The following ZNF516 variants were observed in gnomAD, a reference collection of about 807,000 sequenced individuals.
The protein encoded by ZNF516 is zinc finger protein 516.
ZNF516 carries 19 observed loss-of-function variants against 79.7 expected under a neutral mutation model. The observed-to-expected ratio is 0.24, with a 90% CI of 0.17 to 0.35. The LOEUF is 0.35. Among genes scored for constraint, ZNF516 ranks in the 10% least tolerant of loss-of-function variants. The pLI is 1.00. For missense variants in ZNF516, 1,678 were observed against 1,679.5 expected (o/e 1.00, Z 0.02); for synonymous variants, 877 against 739.5 (o/e 1.19, Z -3.02).
At chr18:76,483,814 G>A (rs1257679344) in intron 1 of ZNF516, among the ~76,000 whole-genome samples, 2 of 152,182 alleles carry the variant, frequency 1.3e-5, no homozygotes, top group Admixed American at 6.5e-5. Context: ...CCACTGCGGG[G>A]CTGGGAATCT....
Position 76,441,732 on chromosome 18 carries a change from C to A in ZNF516, c.1323G>T (p.Glu441Asp). The change falls in exon 3 of 7, where the codon GAG becomes GAT. Residue 441 changes from glutamate (E) to aspartate (D), a missense_variant. Transcript: ENST00000443185. ...AEYLKYGAWD[E>D]ALAGDVAFDK... ...CGAAGGCCACGTCCCCGGCCAGCGC[C>A]TCGTCCCAGGCCCCGTACTTGAGGT... The A allele has an allele frequency of 6.4e-7, 1 of 1,573,064 alleles. No individual in the cohort carries two copies. Among genetic ancestry groups the A allele is most frequent in the Non-Finnish European group, 8.6e-7 (1 of 1,164,518 alleles).
chr18:76,439,182 TTA>T (rs2075782368), intron 3 of ZNF516, among the ~76,000 whole-genome samples: 1 of 152,242 alleles, frequency 6.6e-6, no homozygotes, highest in Non-Finnish European at 1.5e-5. Flanking sequence ...TTGAGAGTAG[TTA>T]AATCAATGGA....
intron 1 of ZNF516, among the ~76,000 whole-genome samples, chr18:76,466,371 GTCTC>G (rs879529129): frequency 5.9e-5 from 9 of 152,296 alleles, no homozygotes; most frequent in South Asian, 2.1e-4. Flanking sequence ...CAGCATTCAG[GTCTC>G]TCTGTCAGTT....
intron 1 of ZNF516, among the ~76,000 whole-genome samples, chr18:76,478,457 T>C (rs1400628288): frequency 1.3e-5 from 2 of 152,204 alleles, no homozygotes; most frequent in Admixed American, 6.5e-5. Context: ...TAAGGTTTAA[T>C]ATACAATACA....
At chr18:76,389,927 G>C (rs750858904) in intron 3 of ZNF516, among the ~76,000 whole-genome samples, 2 of 152,276 alleles carry the variant, frequency 1.3e-5, no homozygotes, top group African/African-American at 4.8e-5. Flanking sequence ...CTGTGGTCCC[G>C]AGCGATAGTG....
At chr18:76,480,785 A>T (rs563213318) in intron 1 of ZNF516, among the ~76,000 whole-genome samples, 1 of 152,172 alleles carries the variant, frequency 6.6e-6, no homozygotes, top group East Asian at 1.9e-4. Context: ...GCCTCCCAAA[A>T]TGCTGGGATT....
Position 76,441,725 on chromosome 18 carries a change from C to A in ZNF516, c.1330G>T (p.Ala444Ser). 4 of 1,573,290 alleles carry A rather than the reference C, an allele frequency of 2.5e-6. No individual in the cohort carries two copies. The highest frequency in any genetic ancestry group is 2.6e-6 in the Non-Finnish European group (3 of 1,164,288). Residue 444 changes from alanine (A) to serine (S), a missense_variant, in exon 3 of 7, where the codon GCC becomes TCC. By Grantham distance (99) the Ala-to-Ser change is moderately conservative. Coordinates refer to ENST00000443185, the MANE Select transcript of ZNF516 (RefSeq NM_014643.4). Reference sequence around the variant, plus strand: ...TCCTTGTCGAAGGCCACGTCCCCGGCCAGCGCCTCGTCCCAGGCCCCGTAC... The same window carrying A: ...TCCTTGTCGAAGGCCACGTCCCCGGACAGCGCCTCGTCCCAGGCCCCGTAC... ...LKYGAWDEAL[A>S]GDVAFDKDRR...
chr18:76,367,697 G>GC (rs547629584), intron 6 of ZNF516, among the ~76,000 whole-genome samples: 46 of 152,312 alleles, frequency 3.0e-4, no homozygotes, highest in African/African-American at 1.1e-3. Flanking sequence ...GCCTTGCTCT[G>GC]CCCTACTTCC....
intron 1 of ZNF516, among the ~76,000 whole-genome samples, chr18:76,485,221 TATC>T (rs1184280738): frequency 6.6e-6 from 1 of 152,196 alleles, no homozygotes; most frequent in Non-Finnish European, 1.5e-5. Context: ...AGGGACAAAT[TATC>T]ATCATTATGC....
intron 3 of ZNF516, among the ~76,000 whole-genome samples, chr18:76,411,187 G>A (rs1473327869): frequency 6.6e-6 from 1 of 152,312 alleles, no homozygotes; most frequent in Non-Finnish European, 1.5e-5. Flanking sequence ...GCCTCTCATG[G>A]CCAGGGGCTA....
At chr18:76,440,270 CG>C (rs2075797844) in intron 3 of ZNF516, among the ~76,000 whole-genome samples, 1 of 152,182 alleles carries the variant, frequency 6.6e-6, no homozygotes, top group African/African-American at 2.4e-5. Context: ...AAAAATGACA[CG>C]GTCTTCTGTT....
chr18:76,496,194 C>A (rs1915474661), upstream of ZNF516: 3 of 1,160,928 alleles, frequency 2.6e-6, no homozygotes, highest in South Asian at 3.0e-5. Flanking sequence ...TCGGAGCTAG[C>A]GAGGGCGAGC....
intron 1 of ZNF516, among the ~76,000 whole-genome samples, chr18:76,473,645 C>G (rs530928966): frequency 7.9e-5 from 12 of 151,740 alleles, no homozygotes; most frequent in Admixed American, 2.6e-4. Flanking sequence ...ACTAAAAATA[C>G]AAAAAATTAT....
chr18:76,406,905 C>T (rs1326252191), intron 3 of ZNF516, among the ~76,000 whole-genome samples: 1 of 152,178 alleles, frequency 6.6e-6, no homozygotes, highest in Admixed American at 6.5e-5. Flanking sequence ...GGCCGCATCT[C>T]AGTGTCCCCT....
chr18:76,415,103 C>G (rs1367622515), intron 3 of ZNF516, among the ~76,000 whole-genome samples: 1 of 152,138 alleles, frequency 6.6e-6, no homozygotes, highest in East Asian at 1.9e-4. Context: ...GAGGCTGAGG[C>G]AGCAGAATTG....
intron 1 of ZNF516, among the ~76,000 whole-genome samples, chr18:76,485,498 G>A (rs758725865): frequency 1.3e-5 from 2 of 152,198 alleles, no homozygotes; most frequent in African/African-American, 4.8e-5. Flanking sequence ...TGGATGAATA[G>A]AAATTTGTTT....
At chr18:76,405,710 A>T (rs1280062272) in intron 3 of ZNF516, among the ~76,000 whole-genome samples, 1 of 151,572 alleles carries the variant, frequency 6.6e-6, no homozygotes, top group Non-Finnish European at 1.5e-5. Flanking sequence ...TTTTTACCAA[A>T]CGCCCCCGGT....
chr18:76,478,219 T>C (rs1342511210), intron 1 of ZNF516, among the ~76,000 whole-genome samples: 1 of 152,034 alleles, frequency 6.6e-6, no homozygotes, highest in Admixed American at 6.6e-5. Context: ...AGAGGAGAGG[T>C]ATGTAAAACC....
At position 76,360,627 on chromosome 18, in the gene ZNF516, AT is replaced by A. The variant is rs1199392013; in HGVS notation, c.*1870del. 2.3e-5 allele frequency: 2 copies of A among 87,026 alleles called. No homozygotes were observed. Among genetic ancestry groups the A allele is most frequent in the African/African-American group, 4.2e-5 (1 of 23,912 alleles). 5.4% of individuals were successfully genotyped at this position (87,026 alleles called of 1,614,324 possible). ...TCTGGTGTAAGAATATCAGAAAAAA[AT>A]AAGTAAAAAAAAAAAAAAATATATA... On this transcript the variant is annotated 3_prime_UTR_variant, in exon 7 of 7. Transcript: ENST00000443185.
Sources: gnomAD v4.1 joint callset for allele counts (sites outside exome capture counted in the v4.1 genomes callset) on GRCh38, gnomAD v4.1.1 for gene constraint, MANE v1.5 for transcripts, NCBI Gene and HGNC (gene_info 2026-07-23, HGNC 2026-07-21) for gene names.